Variants in LEF1 observed in about 807,000 individuals in gnomAD.
LEF1 encodes lymphoid enhancer-binding factor 1.
Under a neutral mutation model 51.2 loss-of-function variants are expected in LEF1, and 14 were observed. The ratio of observed to expected loss-of-function variants is 0.27; its 90% confidence interval spans 0.18 to 0.43. The LOEUF (loss-of-function observed/expected upper bound fraction) is 0.43. Ranked by LOEUF, LEF1 falls within the 20% of genes least tolerant of loss-of-function variation. LEF1 has a pLI of 1.00. For missense variants in LEF1, 386 were observed against 512.0 expected (o/e 0.75, Z 2.37); for synonymous variants, 185 against 183.2 (o/e 1.01, Z -0.08).
In LEF1 at chr4:108,099,556, A is replaced by ATGTGTG. The variant is rs1245005290; in HGVS notation, c.415-10305_415-10300dup. Among the ~76,000 whole-genome samples, 297 of 49,586 alleles carry ATGTGTG rather than the reference A, an allele frequency of 6.0e-3. 15 individuals are homozygous for ATGTGTG. The highest frequency in any genetic ancestry group is 0.023 in the Middle Eastern group (2 of 86). 32.5% of individuals were successfully genotyped at this position (49,586 alleles called of 152,430 possible). A position where few individuals can be genotyped will look rare whatever the true frequency, so the allele number is the denominator to read the frequency against. On this transcript the variant is annotated intron_variant, in intron 3 of 11. Transcript: ENST00000265165. ...TATATGTGTATATGTGTGTGTGTGT[A>ATGTGTG]TGTGTGTGTGTGTGTATATATATAT...
Position 108,143,490 on chromosome 4 carries a change from T to A in LEF1, c.414+20078A>T, listed in dbSNP as rs189314152. ...TAATAAGCTTATCACATTTTCCATA[T>A]CCCAAGGCCCCCTTCTAATTTCAGA... On this transcript the variant is annotated intron_variant, in intron 3 of 11. Transcript: ENST00000265165. Among the ~76,000 whole-genome samples the A allele has an allele frequency of 1.2e-3, 190 of 152,304 alleles. 1 individual carries two copies. Among genetic ancestry groups the A allele is most frequent in the African/African-American group, 4.3e-3 (179 of 41,566 alleles).
chr4:108,050,665 C>G (rs1414824892), intron 11 of LEF1, among the ~76,000 whole-genome samples: 1 of 152,236 alleles, frequency 6.6e-6, no homozygotes, highest in Non-Finnish European at 1.5e-5. Flanking sequence ...TCCTCTCAGT[C>G]TGACATGAAA....
chr4:108,153,110 C>T (rs1744456710), intron 3 of LEF1, among the ~76,000 whole-genome samples: 1 of 152,190 alleles, frequency 6.6e-6, no homozygotes, highest in Non-Finnish European at 1.5e-5. Flanking sequence ...TAGCCCTTTT[C>T]CCTCCCCAGC....
chr4:108,139,812 A>T (rs1743529033), intron 3 of LEF1, among the ~76,000 whole-genome samples: 1 of 152,166 alleles, frequency 6.6e-6, no homozygotes, highest in South Asian at 2.1e-4. Context: ...TTCAAACTAT[A>T]ACTTGGATTC....
chr4:108,069,527 G>C (rs991541666), intron 9 of LEF1, among the ~76,000 whole-genome samples: 12 of 152,146 alleles, frequency 7.9e-5, no homozygotes, highest in African/African-American at 1.2e-4. Flanking sequence ...GATAGATGCT[G>C]GGGTACGATA....
intron 3 of LEF1, among the ~76,000 whole-genome samples, chr4:108,113,408 T>C (rs1741648184): frequency 6.6e-6 from 1 of 152,170 alleles, no homozygotes; most frequent in Non-Finnish European, 1.5e-5. Context: ...ACGACTGTCT[T>C]TTGACAAGTC....
Position 108,126,900 on chromosome 4 carries a change from T to C in LEF1, c.414+36668A>G, listed in dbSNP as rs561535234. ...GTGTGTGTGTGTGTGTGTGTAGCTC[T>C]ATTTTAGGGGCTAGTCATACAAACA... On this transcript the variant is annotated intron_variant, in intron 3 of 11. Coordinates refer to ENST00000265165, the MANE Select transcript of LEF1 (RefSeq NM_016269.5). 1.3e-3 allele frequency among the ~76,000 whole-genome samples: 197 copies of C among 151,708 alleles called. 1 individual carries two copies. The highest frequency in any genetic ancestry group is 4.6e-3 in the African/African-American group (191 of 41,250).
chr4:108,064,452 G>A, intron 9 of LEF1, 68 bp from the exon 10 acceptor site: 1 of 1,201,936 alleles, frequency 8.3e-7, no homozygotes, highest in Admixed American at 1.8e-5. Flanking sequence ...ATGTGATGTG[G>A]AAGTACAGGC....
In LEF1 at chr4:108,092,930, A is replaced by AC. The variant is rs1560784198; in HGVS notation, c.415-3674_415-3673insG. 3.7e-3 allele frequency among the ~76,000 whole-genome samples: 527 copies of AC among 143,832 alleles called. 15 individuals carry two copies. The highest frequency in any genetic ancestry group is 9.4e-3 in the African/African-American group (368 of 39,032). 94.4% of individuals were successfully genotyped at this position (143,832 alleles called of 152,430 possible). On this transcript the variant is annotated intron_variant, in intron 3 of 11. Coordinates refer to ENST00000265165, the MANE Select transcript of LEF1 (RefSeq NM_016269.5). ...ACAATGAATATGTAAAAAAAAAAAA[A>AC]AAAAAAAAAAAAAAAAAAAGACAAG...
chr4:108,119,245 G>T (rs1326436805), intron 3 of LEF1, among the ~76,000 whole-genome samples: 1 of 150,098 alleles, frequency 6.7e-6, no homozygotes, highest in East Asian at 2.0e-4. Context: ...TAAATCATTT[G>T]TCTTTGTTTT....
chr4:108,097,923 C>G (rs919665858), intron 3 of LEF1, among the ~76,000 whole-genome samples: 2 of 152,172 alleles, frequency 1.3e-5, no homozygotes, highest in Non-Finnish European at 2.9e-5. Context: ...AAGTCAGGAG[C>G]AAAAGCTTTC....
chr4:108,118,619 T>C (rs1395550684), intron 3 of LEF1, among the ~76,000 whole-genome samples: 2 of 152,226 alleles, frequency 1.3e-5, no homozygotes, highest in East Asian at 1.9e-4. Flanking sequence ...TCTTAGATGA[T>C]TGTCAGGTAG....
intron 11 of LEF1, among the ~76,000 whole-genome samples, chr4:108,049,383 G>A (rs963932673): frequency 6.6e-6 from 1 of 152,082 alleles, no homozygotes; most frequent in African/African-American, 2.4e-5. Flanking sequence ...TTAAAATAAT[G>A]TTGCCAGATA....
chr4:108,156,002 A>G lies in LEF1; in HGVS notation c.414+7566T>C, dbSNP rs1744671749. ...ACAGAACTTTTTAATAGCTGAAAAT[A>G]CCTCGTGATACTGAAAAAAAAGTTC... On this transcript the variant is annotated intron_variant, in intron 3 of 11. Coordinates refer to ENST00000265165, the MANE Select transcript of LEF1 (RefSeq NM_016269.5). Among the ~76,000 whole-genome samples, 4 of 152,342 alleles carry G rather than the reference A, an allele frequency of 2.6e-5. No homozygotes were observed. In the South Asian group the frequency reaches 8.3e-4, roughly 32 times the overall value.
chr4:108,071,729 T>C (rs1175298504), intron 8 of LEF1: 1 of 152,230 alleles, frequency 6.6e-6, no homozygotes, highest in Non-Finnish European at 1.5e-5. Flanking sequence ...AGCAGAACTT[T>C]CCAGGGAGAA....
At chr4:108,147,462 T>A (rs1744064073) in intron 3 of LEF1, among the ~76,000 whole-genome samples, 1 of 152,224 alleles carries the variant, frequency 6.6e-6, no homozygotes, top group Non-Finnish European at 1.5e-5. Flanking sequence ...CTCTGTTTTT[T>A]CCTTATACCC....
At chr4:108,155,856 A>C (rs957962636) in intron 3 of LEF1, among the ~76,000 whole-genome samples, 7 of 152,164 alleles carry the variant, frequency 4.6e-5, no homozygotes, top group African/African-American at 1.2e-4. Flanking sequence ...CTGCCTACCT[A>C]TCTCTCCCTA....
intron 3 of LEF1, among the ~76,000 whole-genome samples, chr4:108,128,678 T>C (rs930780925): frequency 6.6e-6 from 1 of 152,166 alleles, no homozygotes; most frequent in Non-Finnish European, 1.5e-5. Context: ...ACAGAAGCCA[T>C]ACCTATTGAA....
At chr4:108,080,992 G>T (rs184443127) in intron 6 of LEF1, among the ~76,000 whole-genome samples, 3 of 149,306 alleles carry the variant, frequency 2.0e-5, no homozygotes, top group Non-Finnish European at 4.5e-5. Flanking sequence ...GTGCGGCGCG[G>T]CAGGCCTCCC....
Sources: gnomAD v4.1 joint callset for allele counts (sites outside exome capture counted in the v4.1 genomes callset) on GRCh38, gnomAD v4.1.1 for gene constraint, MANE v1.5 for transcripts, NCBI Gene and HGNC (gene_info 2026-07-23, HGNC 2026-07-21) for gene names.